The following ALPK2 variants were observed in gnomAD, a reference collection of about 807,000 sequenced individuals.
ALPK2 encodes the protein alpha-protein kinase 2.
ALPK2 carries 127 observed loss-of-function variants against 163.1 expected under a neutral mutation model. The observed-to-expected ratio is 0.78, with a 90% CI of 0.67 to 0.90. The LOEUF (loss-of-function observed/expected upper bound fraction) is 0.90, where lower values mean the gene tolerates loss of function less well. Ranked by LOEUF, ALPK2 falls within the 40% of genes least tolerant of loss-of-function variation. The probability of loss-of-function intolerance (pLI) is 0.00; values close to 1 mark genes in which losing one functional copy is unlikely to be tolerated. For missense variants in ALPK2, 2,360 were observed against 2,589.6 expected (o/e 0.91, Z 1.92); for synonymous variants, 953 against 959.1 (o/e 0.99, Z 0.12).
intron 4 of ALPK2, among the ~76,000 whole-genome samples, chr18:58,556,189 A>ACACACACACG (rs903787089): frequency 2.6e-5 from 4 of 151,850 alleles, no homozygotes; most frequent in African/African-American, 9.7e-5. Context: ...ACACACACGC[A>ACACACACACG]CACACAATTC....
intron 3 of ALPK2, among the ~76,000 whole-genome samples, chr18:58,584,330 C>A (rs532174166): frequency 1.3e-5 from 2 of 152,270 alleles, no homozygotes; most frequent in South Asian, 4.1e-4. Flanking sequence ...GAAAATCGGG[C>A]AAGGAAGCCA....
At chr18:58,584,168 A>T (rs2051974544) in intron 3 of ALPK2, among the ~76,000 whole-genome samples, 1 of 152,252 alleles carries the variant, frequency 6.6e-6, no homozygotes, top group African/African-American at 2.4e-5. Flanking sequence ...AGAGATTTAT[A>T]ATCCATCCTA....
Position 58,515,006 on chromosome 18 carries a change from C to T in ALPK2, c.6016G>A (p.Gly2006Arg), listed in dbSNP as rs1181795403. Reference protein sequence around the residue: ...AAEAQPLEGFGEVPEIIPIFL... With the variant: ...AAEAQPLEGFREVPEIIPIFL... ...AAACACACTTACTCAGGTACTTCTCCAAAGCCTTCCAGAGGCTGTGCTTCA... is the reference window on the plus strand; with the variant it reads ...AAACACACTTACTCAGGTACTTCTCTAAAGCCTTCCAGAGGCTGTGCTTCA... The change falls in exon 10 of 13, where the codon GGA becomes AGA. Residue 2006 changes from glycine (G) to arginine (R), a missense_variant. Physicochemically the swap from Gly to Arg is moderately radical, Grantham distance 125 (BLOSUM62 -2). Coordinates refer to ENST00000361673, the MANE Select transcript of ALPK2 (RefSeq NM_052947.4). 6.2e-7 allele frequency: 1 copy of T among 1,612,496 alleles called. No individual in the cohort carries two copies. The highest frequency in any genetic ancestry group is 2.2e-5 in the East Asian group (1 of 44,786).
chr18:58,605,440 C>T (rs1222939680), intron 3 of ALPK2, among the ~76,000 whole-genome samples: 1 of 152,208 alleles, frequency 6.6e-6, no homozygotes, highest in African/African-American at 2.4e-5. Flanking sequence ...CTCCATCCAT[C>T]CTTTCAACAA....
At chr18:58,493,861 T>C (rs2051387641) in intron 12 of ALPK2, among the ~76,000 whole-genome samples, 2 of 152,226 alleles carry the variant, frequency 1.3e-5, no homozygotes, top group African/African-American at 4.8e-5. Flanking sequence ...TTTGGTCTAA[T>C]GCTTACTGCC....
intron 4 of ALPK2, among the ~76,000 whole-genome samples, chr18:58,564,053 G>A (rs2051838056): frequency 6.6e-6 from 1 of 151,700 alleles, no homozygotes; most frequent in Non-Finnish European, 1.5e-5. Context: ...AGGAAAGGAG[G>A]AAGGCAGAAA....
At chr18:58,622,113 G>A (rs568484880) in intron 1 of ALPK2, among the ~76,000 whole-genome samples, 12 of 151,990 alleles carry the variant, frequency 7.9e-5, no homozygotes, top group Middle Eastern at 3.5e-3. Flanking sequence ...TTGGGAGGCC[G>A]AGGCAGGCAG....
Position 58,578,801 on chromosome 18 carries a change from A to G in ALPK2, c.1962+13T>C. Reference sequence around the variant, plus strand: ...CTTTTTATCTCGTAATTTCTTTAAAAGAAAAGTCTTACCTGAGGAGGATCA... The same window carrying G: ...CTTTTTATCTCGTAATTTCTTTAAAGGAAAAGTCTTACCTGAGGAGGATCA... On this transcript the variant is annotated intron_variant, in intron 4 of 12. Transcript: ENST00000361673. The G allele has an allele frequency of 6.3e-7, 1 of 1,580,612 alleles. No individual in the cohort carries two copies. Among genetic ancestry groups the G allele is most frequent in the Non-Finnish European group, 8.6e-7 (1 of 1,163,238 alleles).
chr18:58,554,536 G>A (rs2051779055), intron 4 of ALPK2, among the ~76,000 whole-genome samples: 1 of 152,170 alleles, frequency 6.6e-6, no homozygotes, highest in African/African-American at 2.4e-5. Context: ...CCACCCCATG[G>A]GGGATGTCCC....
At chr18:58,534,425 A>G (rs182488656) in intron 5 of ALPK2, among the ~76,000 whole-genome samples, 33 of 152,360 alleles carry the variant, frequency 2.2e-4, no homozygotes, top group African/African-American at 7.7e-4. Flanking sequence ...GGTCTATTTC[A>G]TTATACTAAT....
chr18:58,625,550 G>A (rs1185719522), intron 1 of ALPK2, among the ~76,000 whole-genome samples: 1 of 152,238 alleles, frequency 6.6e-6, no homozygotes, highest in East Asian at 1.9e-4. Context: ...CTCTGGGGAT[G>A]GAGCCCAGGA....
rs762148704 is a variant in ALPK2 at position 58,534,875 on chromosome 18, T to G, written c.5312A>C (p.Lys1771Thr). ...LETSLSHTEEKQDPKKPSCKR... is the reference protein window; with the variant it reads ...LETSLSHTEETQDPKKPSCKR... ...GCAAGATGGCTTTTTTGGGTCTTGT[T>G]TCTCTTCTGTGTGTGATAATGATGT... Residue 1771 changes from lysine to threonine, a missense_variant, in exon 5 of 13, where the codon AAA becomes ACA. Lys to Thr is a moderately conservative substitution (Grantham distance 78). Transcript: ENST00000361673. The G allele has an allele frequency of 6.2e-7, 1 of 1,612,638 alleles. No homozygotes were observed. The highest frequency in any genetic ancestry group is 8.5e-7 in the Non-Finnish European group (1 of 1,179,628).
At chr18:58,619,781 A>T (rs955396240) in intron 1 of ALPK2, among the ~76,000 whole-genome samples, 1 of 152,244 alleles carries the variant, frequency 6.6e-6, no homozygotes, top group Non-Finnish European at 1.5e-5. Flanking sequence ...ATGACCCAGC[A>T]ATTCCACTCC....
intron 9 of ALPK2, 59 bp downstream of exon 9, chr18:58,516,849 C>T (rs1169309121): frequency 5.1e-6 from 8 of 1,559,440 alleles, no homozygotes; most frequent in Admixed American, 1.7e-5. Context: ...ATTTTCATCT[C>T]GTCTTATCAT....
At position 58,535,050 on chromosome 18, in the gene ALPK2, T is replaced by C. The variant is rs1441110704; in HGVS notation, c.5137A>G (p.Arg1713Gly). 1 of 1,614,164 alleles carries C rather than the reference T, an allele frequency of 6.2e-7. No homozygotes were observed. Among genetic ancestry groups the C allele is most frequent in the Non-Finnish European group, 8.5e-7 (1 of 1,180,030 alleles). Residue 1713 changes from arginine (R) to glycine (G), a missense_variant, in exon 5 of 13, where the codon AGG becomes GGG. Transcript: ENST00000361673. ...CCACTGCCTGGGGCTTCTGGCTTCC[T>C]CTTGACCTCCTCTGACCCCGTCACT... ...TAVTGSEEVK[R>G]KPEAPGSGHL...
intron 4 of ALPK2, among the ~76,000 whole-genome samples, chr18:58,549,082 T>C (rs571315866): frequency 6.6e-6 from 1 of 152,346 alleles, no homozygotes; most frequent in Admixed American, 6.5e-5. Flanking sequence ...TGGGGTCTTT[T>C]TTAGATCTAA....
Position 58,535,239 on chromosome 18 carries a change from C to T in ALPK2, c.4948G>A (p.Ala1650Thr). Residue 1650 changes from alanine (A) to threonine (T), a missense_variant, in exon 5 of 13, where the codon GCG becomes ACG. Physicochemically the swap from Ala to Thr is moderately conservative, Grantham distance 58. Transcript: ENST00000361673. ...TKPPSSSSSS[A>T]KTLAFISGER... ...CCTGAAATAAATGCCAAGGTCTTCG[C>T]TGAGGAGCTAGATGAGCTTGGGGGT... 2 of 1,614,156 alleles carry T rather than the reference C, an allele frequency of 1.2e-6. No individual in the cohort carries two copies. The highest frequency in any genetic ancestry group is 1.7e-6 in the Non-Finnish European group (2 of 1,180,016).
At chr18:58,611,277 CA>C (rs747542222) in intron 2 of ALPK2, among the ~76,000 whole-genome samples, 22 of 31,302 alleles carry the variant, frequency 7.0e-4, no homozygotes, top group Non-Finnish European at 8.4e-4. Flanking sequence ...GACTCCATCT[CA>C]AAAAAAAAAA....
intron 3 of ALPK2, among the ~76,000 whole-genome samples, chr18:58,582,781 G>T (rs2051965927): frequency 6.6e-6 from 1 of 152,080 alleles, no homozygotes; most frequent in African/African-American, 2.4e-5. Context: ...AGAAAGATGG[G>T]ACATTTTGAA....
Sources: gnomAD v4.1 joint callset for allele counts (sites outside exome capture counted in the v4.1 genomes callset) on GRCh38, gnomAD v4.1.1 for gene constraint, MANE v1.5 for transcripts, NCBI Gene and HGNC (gene_info 2026-07-23, HGNC 2026-07-21) for gene names.